Variants in HSD11B1 observed in about 807,000 individuals in gnomAD.
HSD11B1 encodes the protein 11-beta-hydroxysteroid dehydrogenase 1.
HSD11B1 carries 15 observed loss-of-function variants against 22.1 expected under a neutral mutation model. That is an observed-to-expected ratio of 0.68 (90% CI 0.45 to 1.04). The LOEUF (loss-of-function observed/expected upper bound fraction) is 1.04, where lower values mean the gene tolerates loss of function less well. HSD11B1 is among the 50% of genes least tolerant of loss of function. HSD11B1 has a pLI of 0.00. For synonymous variants in HSD11B1, 122 were observed against 125.2 expected, an observed-to-expected ratio of 0.97 and a Z score of 0.17; for missense variants, 281 against 357.6, an observed-to-expected ratio of 0.79 and a Z score of 1.73.
Position 209,734,398 on chromosome 1 carries a change from C to T in HSD11B1, c.756C>T (p.Arg252=). The T allele has an allele frequency of 6.2e-7, 1 of 1,614,058 alleles. No homozygotes were observed. The highest frequency in any genetic ancestry group is 8.5e-7 in the Non-Finnish European group (1 of 1,179,974). Reference sequence around the variant, plus strand: ...AGATCATCAAAGGGGGAGCTCTGCGCCAAGAAGAAGTGTATTATGACAGCT... The same window carrying T: ...AGATCATCAAAGGGGGAGCTCTGCGTCAAGAAGAAGTGTATTATGACAGCT... ...ALEIIKGGAL[R]QEEVYYDSSL... The change falls in exon 6 of 6, where the codon CGC becomes CGT. Residue 252 remains arginine, a synonymous_variant. Transcript: ENST00000367027.
At chr1:209,701,570 GA>G (rs2076827202), upstream of HSD11B1, among the ~76,000 whole-genome samples, 1 of 152,122 alleles carries the variant, frequency 6.6e-6, no homozygotes, top group African/African-American at 2.4e-5. Flanking sequence ...ATTCTCCCAG[GA>G]AAGGCAGAAC....
intron 1 of HSD11B1, among the ~76,000 whole-genome samples, chr1:209,697,172 A>G (rs1402260384): frequency 6.6e-6 from 1 of 152,160 alleles, no homozygotes; most frequent in Non-Finnish European, 1.5e-5. Flanking sequence ...CCACCTTGTA[A>G]AATTCAGTTA....
rs143950550 is a variant in HSD11B1, at chr1:209,690,048, T to C, written c.-49+3763T>C. Among the ~76,000 whole-genome samples, 18 of 152,306 alleles carry C rather than the reference T, an allele frequency of 1.2e-4. No homozygotes were observed. In the East Asian group the frequency reaches 3.5e-3, roughly 29 times the overall value. On this transcript the variant is annotated intron_variant, in intron 1 of 6. Coordinates refer to the HSD11B1 transcript ENST00000261465. The stretch of plus-strand genomic sequence containing the variant: ...AATAAACTTTCCTTCTCCAGCAGTG[T>C]CTCATGCCTATAATCCCAGCAGTTT...
chr1:209,715,129 C>G (rs1260774471), intron 4 of HSD11B1, among the ~76,000 whole-genome samples: 4 of 152,250 alleles, frequency 2.6e-5, no homozygotes, highest in East Asian at 1.9e-4. Context: ...CATACAGGAG[C>G]ATTAATCACA....
chr1:209,707,608 A>C (rs1400804848), intron 4 of HSD11B1, among the ~76,000 whole-genome samples: 4 of 152,136 alleles, frequency 2.6e-5, no homozygotes. Flanking sequence ...AAAATGAAGG[A>C]TTGGTCAAGG....
chr1:209,701,152 T>C (rs528436495), upstream of HSD11B1, among the ~76,000 whole-genome samples: 199 of 152,298 alleles, frequency 1.3e-3, no homozygotes, highest in Non-Finnish European at 2.4e-3. Context: ...CTCGTACCAA[T>C]TTACCGTATT....
At chr1:209,686,882 A>G (rs905606905) in intron 1 of HSD11B1, among the ~76,000 whole-genome samples, 1 of 152,234 alleles carries the variant, frequency 6.6e-6, no homozygotes, top group East Asian at 1.9e-4. Flanking sequence ...CGTGTCCATC[A>G]AAATTCTTCA....
chr1:209,693,213 C>A lies in HSD11B1; in HGVS notation c.-49+6928C>A, dbSNP rs567372011. Among the ~76,000 whole-genome samples the A allele has an allele frequency of 3.3e-5, 5 of 152,294 alleles. No individual in the cohort carries two copies. In the South Asian group the frequency reaches 1.0e-3, roughly 32 times the overall value. ...AACCCTCAAATTTCATGAATCCTCC[C>A]ATCAGATATAAAATACAAAGTGAAG... On this transcript the variant is annotated intron_variant, in intron 1 of 6. Transcript: ENST00000261465.
chr1:209,729,627 C>T (rs895416653), intron 4 of HSD11B1, among the ~76,000 whole-genome samples: 6 of 152,048 alleles, frequency 3.9e-5, no homozygotes, highest in African/African-American at 1.4e-4. Flanking sequence ...CTGGCTTCTC[C>T]TTTTAAGGAT....
chr1:209,708,004 A>G (rs1404376202), intron 4 of HSD11B1, among the ~76,000 whole-genome samples: 2 of 152,210 alleles, frequency 1.3e-5, no homozygotes, highest in Non-Finnish European at 2.9e-5. Flanking sequence ...TGAAAAGATC[A>G]ATTTAAACAA....
At chr1:209,723,275 T>C (rs1269225970) in intron 4 of HSD11B1, among the ~76,000 whole-genome samples, 1 of 152,136 alleles carries the variant, frequency 6.6e-6, no homozygotes, top group African/African-American at 2.4e-5. Context: ...GTAGAAACAC[T>C]CAGGCTTCCG....
intron 1 of HSD11B1, among the ~76,000 whole-genome samples, chr1:209,695,339 GGA>G (rs1277400074): frequency 1.3e-5 from 2 of 152,192 alleles, no homozygotes; most frequent in Non-Finnish European, 2.9e-5. Flanking sequence ...GAGATACTTA[GGA>G]GGTAGAATCG....
intron 4 of HSD11B1, among the ~76,000 whole-genome samples, chr1:209,731,926 C>T (rs1422815265): frequency 6.6e-6 from 1 of 152,156 alleles, no homozygotes; most frequent in Non-Finnish European, 1.5e-5. Context: ...AGGCTGGTCT[C>T]GAACTCCTGA....
chr1:209,696,238 T>C (rs1387155827), intron 1 of HSD11B1, among the ~76,000 whole-genome samples: 1 of 152,174 alleles, frequency 6.6e-6, no homozygotes, highest in East Asian at 1.9e-4. Context: ...AGAAATCTTT[T>C]TGGGAGATGG....
chr1:209,711,724 T>G (rs184561293), intron 4 of HSD11B1, among the ~76,000 whole-genome samples: 17 of 152,282 alleles, frequency 1.1e-4, no homozygotes, highest in African/African-American at 3.9e-4. Context: ...GAAAATTTAT[T>G]CTATAAAATA....
At chr1:209,713,507 C>A (rs1055719629) in intron 4 of HSD11B1, among the ~76,000 whole-genome samples, 5 of 152,084 alleles carry the variant, frequency 3.3e-5, no homozygotes, top group African/African-American at 1.2e-4. Flanking sequence ...AAATTCATTT[C>A]AGAAATTATT....
rs564921298 is a variant in HSD11B1, at chr1:209,698,858, G to A, written c.-48-6037G>A. Among the ~76,000 whole-genome samples, 152 of 152,300 alleles carry A rather than the reference G, an allele frequency of 1.0e-3. 2 individuals carry two copies. The highest frequency in any genetic ancestry group is 3.5e-3 in the African/African-American group (147 of 41,558). On this transcript the variant is annotated intron_variant, in intron 1 of 6. Transcript: ENST00000261465. ...CGTGAGGGTCTCTTCTTTCCTAGAA[G>A]GCCCTTGGCTCTCCCAGGCAAATAG...
intron 1 of HSD11B1, among the ~76,000 whole-genome samples, chr1:209,688,085 A>G (rs961541756): frequency 6.6e-6 from 1 of 152,260 alleles, no homozygotes. Context: ...GCCCAGGATC[A>G]GGCTCTGGAG....
At chr1:209,720,147 C>T (rs1346921846) in intron 4 of HSD11B1, among the ~76,000 whole-genome samples, 3 of 151,910 alleles carry the variant, frequency 2.0e-5, no homozygotes, top group Non-Finnish European at 4.4e-5. Flanking sequence ...GAAAAACAAA[C>T]TTACTGATTA....
Sources: allele counts gnomAD v4.1 joint callset (sites outside exome capture counted in the v4.1 genomes callset), GRCh38; gene constraint gnomAD v4.1.1; transcripts MANE v1.5; gene names NCBI Gene and HGNC (gene_info 2026-07-23, HGNC 2026-07-21).